Variants in ZNF254 observed in about 807,000 individuals in gnomAD.
ZNF254 encodes zinc finger protein 254.
Under a neutral mutation model 12.4 loss-of-function variants are expected in ZNF254, and 10 were observed. The ratio of observed to expected loss-of-function variants is 0.80; its 90% CI spans 0.50 to 1.36. The LOEUF is 1.36. Ranked by LOEUF, ZNF254 falls within the 40% of genes most tolerant of loss-of-function variation. The pLI is 0.00. For missense variants in ZNF254, 996 were observed against 763.9 expected, an observed-to-expected ratio of 1.30 and a Z score of -3.58; for synonymous variants, 305 against 253.4, an observed-to-expected ratio of 1.20 and a Z score of -1.93.
upstream of ZNF254, among the ~76,000 whole-genome samples, chr19:24,086,182 G>A (rs886351892): frequency 1.3e-5 from 2 of 151,814 alleles, no homozygotes; most frequent in African/African-American, 4.8e-5. Context: ...ACTCCAGCTT[G>A]GGCGACAGAG....
chr19:24,112,796 GA>G (rs1439908126), intron 3 of ZNF254, among the ~76,000 whole-genome samples: 1 of 151,462 alleles, frequency 6.6e-6, no homozygotes, highest in East Asian at 1.9e-4. Context: ...GACTAATAAA[GA>G]AAAAAACATA....
rs1366599582 is a variant in ZNF254 at position 24,128,933 on chromosome 19, T to TC, written c.*954dup. On this transcript the variant is annotated 3_prime_UTR_variant, in exon 4 of 4. Transcript: ENST00000357002. Reference sequence around the variant, plus strand: ...TTTTTTTTAAAAGTGAATAATGTGTTCAACTCTTAAATTCATGCTGTTTCA... The same window carrying TC: ...TTTTTTTTAAAAGTGAATAATGTGTTCCAACTCTTAAATTCATGCTGTTTCA... The TC allele has an allele frequency of 1.3e-5, 2 of 152,088 alleles. No homozygotes were observed. The highest frequency in any genetic ancestry group is 2.9e-5 in the Non-Finnish European group (2 of 67,928). The allele number at this position is 152,088 out of a possible 1,614,324, so 9.4% of individuals were successfully genotyped here.
At chr19:24,057,945 C>T (rs1970922257) in intron 2 of ZNF254, among the ~76,000 whole-genome samples, 1 of 152,226 alleles carries the variant, frequency 6.6e-6, no homozygotes, top group South Asian at 2.1e-4. Flanking sequence ...AGTTTTGACA[C>T]ACTTCTGTCT....
At chr19:24,089,552 G>A (rs1972241777) in intron 1 of ZNF254, among the ~76,000 whole-genome samples, 2 of 152,170 alleles carry the variant, frequency 1.3e-5, no homozygotes, top group Admixed American at 6.5e-5. Flanking sequence ...TGGGATAAAC[G>A]AAGATACCCA....
rs1555772690 is a variant in ZNF254 at position 24,127,354 on chromosome 19, C to T, written c.1354C>T (p.His452Tyr). The T allele has an allele frequency of 1.1e-5, 18 of 1,613,432 alleles. No individual in the cohort carries two copies. In the South Asian group the frequency reaches 1.9e-4, roughly 17 times the overall value. ...TATCTGGTCCTCAACCCTTACTAAA[C>T]ATAAGAGAATTCATACTAGAGAGAA... ...AFIWSSTLTK[H>Y]KRIHTREKPY... Residue 452 changes from histidine (H) to tyrosine (Y), a missense_variant, in exon 4 of 4, where the codon CAT becomes TAT. By Grantham distance (83) the His-to-Tyr change is moderately conservative. Transcript: ENST00000357002.
chr19:24,106,611 T>G lies in ZNF254; in HGVS notation c.221T>G (p.Met74Arg). 6.3e-7 allele frequency: 1 copy of G among 1,584,510 alleles called. No homozygotes were observed. The highest frequency in any genetic ancestry group is 8.6e-7 in the Non-Finnish European group (1 of 1,163,398). Reference sequence around the variant, plus strand: ...GAACAAGGGAAAGAGCCCTGGAATATGAAGCGACATGAGATGGTGGATGAA... The same window carrying G: ...GAACAAGGGAAAGAGCCCTGGAATAGGAAGCGACATGAGATGGTGGATGAA... Reference protein sequence around the residue: ...CLEQGKEPWNMKRHEMVDEPP... With the variant: ...CLEQGKEPWNRKRHEMVDEPP... Residue 74 changes from methionine to arginine, a missense_variant, in exon 3 of 4, where the codon ATG (methionine) becomes AGG (arginine). Coordinates refer to ENST00000357002, the MANE Select transcript of ZNF254 (RefSeq NM_203282.4).
Position 24,129,409 on chromosome 19 carries a change from A to T in ZNF254, c.*1429A>T, listed in dbSNP as rs1385905626. The T allele has an allele frequency of 6.6e-6, 1 of 152,084 alleles. No individual in the cohort carries two copies. Among genetic ancestry groups the T allele is most frequent in the African/African-American group, 2.4e-5 (1 of 41,448 alleles). 9.4% of individuals were successfully genotyped at this position (152,084 alleles called of 1,614,324 possible). A position where few individuals can be genotyped will look rare whatever the true frequency, so the allele number is the denominator to read the frequency against. On this transcript the variant is annotated 3_prime_UTR_variant, in exon 4 of 4. Coordinates refer to ENST00000357002, the MANE Select transcript of ZNF254 (RefSeq NM_203282.4). ...AACCTATTCCCTTACTCAAGGATGT[A>T]GGTAAAAGATGGTAACAATACACTA...
chr19:24,065,694 C>G (rs1455407226), intron 2 of ZNF254: 2 of 116,700 alleles, frequency 1.7e-5, no homozygotes, highest in Admixed American at 8.0e-5. Flanking sequence ...GGTGATTTGA[C>G]TCTCCCTTTT....
intron 2 of ZNF254, among the ~76,000 whole-genome samples, chr19:24,054,547 G>A (rs796268193): frequency 1.3e-5 from 2 of 152,282 alleles, no homozygotes; most frequent in African/African-American, 4.8e-5. Context: ...AGGGCACACA[G>A]CACAAAGGTG....
intron 3 of ZNF254, among the ~76,000 whole-genome samples, chr19:24,119,863 G>A (rs951821837): frequency 2.6e-5 from 4 of 151,740 alleles, no homozygotes; most frequent in East Asian, 3.9e-4. Context: ...GTGTTTGAGT[G>A]GTATGTTTTT....
At chr19:24,073,855 T>C (rs1330893906) in intron 2 of ZNF254, among the ~76,000 whole-genome samples, 4 of 152,226 alleles carry the variant, frequency 2.6e-5, no homozygotes, top group African/African-American at 9.6e-5. Flanking sequence ...ATGGGACATG[T>C]GCAGGATTGT....
At chr19:24,067,203 A>G (rs539637055) in intron 2 of ZNF254, among the ~76,000 whole-genome samples, 2 of 151,842 alleles carry the variant, frequency 1.3e-5, no homozygotes, top group African/African-American at 4.8e-5. Flanking sequence ...CAACTATTTT[A>G]TGTGACTCTC....
chr19:24,115,839 G>T lies in ZNF254; in HGVS notation c.253+9196G>T, dbSNP rs549464321. Among the ~76,000 whole-genome samples the T allele has an allele frequency of 2.6e-5, 4 of 152,276 alleles. No individual in the cohort carries two copies. The South Asian group carries it at 6.2e-4, about 24-fold the overall frequency. On this transcript the variant is annotated intron_variant, in intron 3 of 3. Coordinates refer to ENST00000357002, the MANE Select transcript of ZNF254 (RefSeq NM_203282.4). ...GATTTTGCAGTGGCTGGTACCGGTT[G>T]TTCCTTTCTGTGTTTAGTACTTCCT...
chr19:24,076,806 A>G (rs1407990602), intron 2 of ZNF254, among the ~76,000 whole-genome samples: 1 of 152,212 alleles, frequency 6.6e-6, no homozygotes, highest in African/African-American at 2.4e-5. Context: ...TGATAATACA[A>G]GGAGTTCCCA....
chr19:24,099,114 A>T (rs2145744343), intron 1 of ZNF254: 1 of 145,398 alleles, frequency 6.9e-6, no homozygotes. Context: ...CTTCTGCCTC[A>T]GCCTCCGAGT....
At chr19:24,086,750 T>C (rs2145624674), upstream of ZNF254, among the ~76,000 whole-genome samples, 1 of 152,338 alleles carries the variant, frequency 6.6e-6, no homozygotes, top group East Asian at 1.9e-4. Context: ...GTGCTGGGAT[T>C]ACAGGCGTGA....
chr19:24,041,708 C>T (rs150792584), intron 1 of ZNF254, among the ~76,000 whole-genome samples: 21,723 of 152,138 alleles, frequency 0.14, 1,820 homozygotes, highest in Middle Eastern at 0.23. Context: ...GAGCGCACGG[C>T]GCAGGACTGG....
At chr19:24,058,593 A>G (rs1375290148) in intron 2 of ZNF254, among the ~76,000 whole-genome samples, 2 of 151,876 alleles carry the variant, frequency 1.3e-5, no homozygotes, top group East Asian at 3.9e-4. Flanking sequence ...TTTTTAGTAG[A>G]GACAGGGTTT....
In ZNF254 at chr19:24,127,783, A is replaced by G; in HGVS notation, c.1783A>G (p.Ile595Val). The change falls in exon 4 of 4, where the codon ATT (isoleucine) becomes GTT (valine). Residue 595 changes from isoleucine (I) to valine (V), a missense_variant. Transcript: ENST00000357002. ...RSSTFTKHKV[I>V]HTGVKPYKCE... ...TTCAACTTTTACTAAACATAAGGTA[A>G]TTCATACTGGAGTAAAACCCTACAA... 1 of 1,612,772 alleles carries G rather than the reference A, an allele frequency of 6.2e-7. No homozygotes were observed. Among genetic ancestry groups the G allele is most frequent in the African/African-American group, 1.3e-5 (1 of 75,000 alleles).
Sources: allele counts gnomAD v4.1 joint callset (sites outside exome capture counted in the v4.1 genomes callset), GRCh38; gene constraint gnomAD v4.1.1; transcripts MANE v1.5; gene names NCBI Gene and HGNC (gene_info 2026-07-23, HGNC 2026-07-21).